The following PANK2 variants were observed in gnomAD, a reference collection of about 807,000 sequenced individuals.
PANK2 encodes pantothenate kinase 2.
In PANK2, 36 loss-of-function variants were observed where a neutral mutation model predicts 43.1. The observed-to-expected ratio is 0.84, with a 90% CI of 0.64 to 1.10. The LOEUF (loss-of-function observed/expected upper bound fraction) is 1.10. Among genes scored for constraint, PANK2 ranks in the 50% least tolerant of loss-of-function variants. PANK2 has a pLI of 0.00. For synonymous variants in PANK2, 281 were observed against 238.2 expected (o/e 1.18, Z -1.66); for missense variants, 576 against 593.3 (o/e 0.97, Z 0.30).
chr20:3,912,666 G>A, intron 4 of PANK2, 32 bp downstream of exon 4: 1 of 1,610,492 alleles, frequency 6.2e-7, no homozygotes, highest in Non-Finnish European at 8.5e-7. Flanking sequence ...AAGAAATACA[G>A]GCGGGCCGGG....
intron 1 of PANK2, among the ~76,000 whole-genome samples, chr20:3,895,467 A>AG (rs1018562305): frequency 6.6e-5 from 9 of 136,712 alleles, no homozygotes; most frequent in Non-Finnish European, 9.2e-5. Context: ...TGGGCGACAG[A>AG]GGGAGACCCT....
chr20:3,895,158 C>A (rs2090184574), intron 1 of PANK2, among the ~76,000 whole-genome samples: 1 of 152,092 alleles, frequency 6.6e-6, no homozygotes. Context: ...CCTGTAATCC[C>A]AGCTACTCAG....
At chr20:3,915,440 A>G (rs2090543779) in intron 4 of PANK2, among the ~76,000 whole-genome samples, 1 of 152,070 alleles carries the variant, frequency 6.6e-6, no homozygotes, top group African/African-American at 2.4e-5. Context: ...CTGGGACTAC[A>G]GTGCGTGCCG....
At chr20:3,910,432 T>A (rs1025747683) in intron 2 of PANK2, 145 bp from the exon 3 acceptor site, 4 of 885,776 alleles carry the variant, frequency 4.5e-6, no homozygotes, top group Non-Finnish European at 5.3e-6. Flanking sequence ...TGCTCCTAAA[T>A]CTGTTCTGTA....
chr20:3,895,012 C>T (rs2090182239), intron 1 of PANK2, among the ~76,000 whole-genome samples: 1 of 152,104 alleles, frequency 6.6e-6, no homozygotes, highest in African/African-American at 2.4e-5. Context: ...TGTATGCTGG[C>T]TCATTTCTGT....
chr20:3,900,790 A>C (rs911849749), intron 1 of PANK2, among the ~76,000 whole-genome samples: 2 of 151,544 alleles, frequency 1.3e-5, no homozygotes, highest in African/African-American at 4.8e-5. Flanking sequence ...TTTTTTTGAG[A>C]TGAAGTCTTG....
intron 1 of PANK2, among the ~76,000 whole-genome samples, chr20:3,899,040 A>G (rs2090255911): frequency 6.6e-6 from 1 of 151,472 alleles, no homozygotes; most frequent in Admixed American, 6.6e-5. Context: ...GCACCTGGCT[A>G]ATTTTTTATA....
chr20:3,928,747 C>CCAAAAA lies in PANK2; in HGVS notation c.*5453_*5454insCAAAAA, dbSNP rs2090768713. Reference sequence around the variant, plus strand: ...TGGGTGACAGAGCGAGACTCCGTCTCAAAAAAAAAAAAAAAAAAAAAAAAA... The same window carrying CCAAAAA: ...TGGGTGACAGAGCGAGACTCCGTCTCCAAAAAAAAAAAAAAAAAAAAAAAAAAAAAA... On this transcript the variant is annotated 3_prime_UTR_variant, in exon 7 of 7. Coordinates refer to ENST00000610179, the MANE Select transcript of PANK2 (RefSeq NM_001386393.1). The CCAAAAA allele has an allele frequency of 1.8e-5, 1 of 56,840 alleles. No homozygotes were observed. Among genetic ancestry groups the CCAAAAA allele is most frequent in the Admixed American group, 2.8e-4 (1 of 3,528 alleles). The allele number at this position is 56,840 out of a possible 1,614,324, so 3.5% of individuals were successfully genotyped here. A position where few individuals can be genotyped will look rare whatever the true frequency, so the allele number is the denominator to read the frequency against.
rs984004543 is a variant in PANK2, at chr20:3,917,195, T to C, written c.1206+145T>C. 12 of 946,432 alleles carry C rather than the reference T, an allele frequency of 1.3e-5. No individual in the cohort carries two copies. The African/African-American group carries it at 2.0e-4, about 16-fold the overall frequency. 58.6% of individuals were successfully genotyped at this position (946,432 alleles called of 1,614,324 possible). A position where few individuals can be genotyped will look rare whatever the true frequency, so the allele number is the denominator to read the frequency against. Reference sequence around the variant, plus strand: ...TAGCACGAAGTTAAAACTCTTCAAATACAGATTAATCTTCTTTTTTTTTTT... The same window carrying C: ...TAGCACGAAGTTAAAACTCTTCAAACACAGATTAATCTTCTTTTTTTTTTT... On this transcript the variant is annotated intron_variant, in intron 5 of 6. Coordinates refer to ENST00000610179, the MANE Select transcript of PANK2 (RefSeq NM_001386393.1).
In PANK2 at chr20:3,927,260, G is replaced by C. The variant is rs946747923; in HGVS notation, c.*3966G>C. 6.6e-6 allele frequency: 1 copy of C among 152,188 alleles called. No homozygotes were observed. The highest frequency in any genetic ancestry group is 2.4e-5 in the African/African-American group (1 of 41,424). The allele number at this position is 152,188 out of a possible 1,614,324, so 9.4% of individuals were successfully genotyped here. ...TCCAAGTCTTGCTGAAGGTGCTTGC[G>C]TAAGTGGCACATGGATGTTCCCTCT... On this transcript the variant is annotated 3_prime_UTR_variant, in exon 7 of 7. Coordinates refer to ENST00000610179, the MANE Select transcript of PANK2 (RefSeq NM_001386393.1).
chr20:3,896,278 C>T (rs567455631), intron 1 of PANK2, among the ~76,000 whole-genome samples: 34 of 146,192 alleles, frequency 2.3e-4, no homozygotes, highest in South Asian at 4.3e-4. Flanking sequence ...CGGGGTTTCA[C>T]CATGTTAGCC....
upstream of PANK2, chr20:3,889,074 C>T: frequency 2.0e-6 from 3 of 1,515,094 alleles, no homozygotes; most frequent in Non-Finnish European, 2.7e-6. Flanking sequence ...GAGGCATGCA[C>T]AAGTGGGGGG....
chr20:3,913,041 G>A (rs530567890), intron 4 of PANK2, among the ~76,000 whole-genome samples: 6 of 151,090 alleles, frequency 4.0e-5, no homozygotes, highest in African/African-American at 7.3e-5. Flanking sequence ...TGTTTGAAGC[G>A]TACAATTTAG....
chr20:3,927,118 ACT>A lies in PANK2; in HGVS notation c.*3827_*3828del, dbSNP rs768878834. 4.6e-5 allele frequency among the ~76,000 whole-genome samples: 7 copies of A among 151,724 alleles called. No homozygotes were observed. In the South Asian group the frequency reaches 8.4e-4, roughly 18 times the overall value. On this transcript the variant is annotated 3_prime_UTR_variant, in exon 7 of 7. Transcript: ENST00000610179. ...TTCTCTGGCTGTGGTGGCCTGACAC[ACT>A]CTTCACCACTGACCCCACCCCCGCT... is the stretch of plus-strand genomic sequence containing the variant.
rs200451247 is a variant in PANK2, at chr20:3,910,559, A to G, written c.652-18A>G. 6.2e-7 allele frequency: 1 copy of G among 1,613,876 alleles called. No individual in the cohort carries two copies. The highest frequency in any genetic ancestry group is 1.3e-5 in the African/African-American group (1 of 74,922). ...TTGGCTTATTAAAAAGTCTGAGTAC[A>G]TTCTTATTTCATTACAGATAGGTGA... On this transcript the variant is annotated intron_variant, in intron 2 of 6. Transcript: ENST00000610179.
At chr20:3,895,622 G>C in intron 1 of PANK2, among the ~76,000 whole-genome samples, 1 of 151,736 alleles carries the variant, frequency 6.6e-6, no homozygotes, top group East Asian at 1.9e-4. Flanking sequence ...ATGTTTTTTG[G>C]ACTTAAAGTT....
rs552279445 is a variant in PANK2 at position 3,923,372 on chromosome 20, A to G, written c.*78A>G. ...TTCATTTTTTTAAGAGACTTACTCAATTTCATGACTGTACTACCTGAAACA... is the reference window on the plus strand; with the variant it reads ...TTCATTTTTTTAAGAGACTTACTCAGTTTCATGACTGTACTACCTGAAACA... On this transcript the variant is annotated 3_prime_UTR_variant, in exon 7 of 7. Transcript: ENST00000610179. 7.8e-6 allele frequency: 11 copies of G among 1,414,486 alleles called. No homozygotes were observed. Among genetic ancestry groups the G allele is most frequent in the Non-Finnish European group, 1.1e-5 (11 of 998,344 alleles). The allele number at this position is 1,414,486 out of a possible 1,614,324, so 87.6% of individuals were successfully genotyped here.
intron 1 of PANK2, among the ~76,000 whole-genome samples, chr20:3,907,534 GC>G (rs1477613928): frequency 6.6e-6 from 1 of 152,120 alleles, no homozygotes; most frequent in African/African-American, 2.4e-5. Context: ...CTAGTTTGCT[GC>G]TAAACCAGAA....
chr20:3,906,213 C>G (rs1327149176), intron 1 of PANK2, among the ~76,000 whole-genome samples: 1 of 151,892 alleles, frequency 6.6e-6, no homozygotes, highest in Non-Finnish European at 1.5e-5. Flanking sequence ...CTGCTTGAGC[C>G]CAGGAGTTCA....
Sources: allele counts gnomAD v4.1 joint callset (sites outside exome capture counted in the v4.1 genomes callset), GRCh38; gene constraint gnomAD v4.1.1; transcripts MANE v1.5; gene names NCBI Gene and HGNC (gene_info 2026-07-23, HGNC 2026-07-21).